The following DSCAML1 variants were observed in gnomAD, a reference collection of about 807,000 sequenced individuals.
The protein encoded by DSCAML1 is DS cell adhesion molecule like 1.
Under a neutral mutation model 200.5 loss-of-function variants are expected in DSCAML1, and 38 were observed. The observed-to-expected ratio is 0.19, with a 90% CI of 0.15 to 0.25. DSCAML1 has a LOEUF of 0.25. DSCAML1 is among the 10% of genes least tolerant of loss of function. The pLI is 1.00. For synonymous variants in DSCAML1, 1,215 were observed against 1,165.0 expected, an observed-to-expected ratio of 1.04 and a Z score of -0.87; for missense variants, 2,223 against 2,858.8, an observed-to-expected ratio of 0.78 and a Z score of 5.07.
chr11:117,623,146 TCTC>T (rs1247896460), intron 3 of DSCAML1, among the ~76,000 whole-genome samples: 1 of 152,064 alleles, frequency 6.6e-6, no homozygotes, highest in Non-Finnish European at 1.5e-5. Flanking sequence ...TCAACTGAAA[TCTC>T]CTGCCATGTT....
intron 3 of DSCAML1, among the ~76,000 whole-genome samples, chr11:117,573,537 A>T (rs1173559814): frequency 6.6e-6 from 1 of 152,094 alleles, no homozygotes; most frequent in Non-Finnish European, 1.5e-5. Flanking sequence ...CAGCCAGGTA[A>T]TCCCCTGGGT....
At chr11:117,592,411 G>C (rs1468633547) in intron 3 of DSCAML1, among the ~76,000 whole-genome samples, 7 of 152,128 alleles carry the variant, frequency 4.6e-5, no homozygotes, top group Non-Finnish European at 1.0e-4. Flanking sequence ...GTGTGTATGT[G>C]TGCATGCATG....
Position 117,521,201 on chromosome 11 carries a change from G to A in DSCAML1, c.1142C>T (p.Ser381Phe). ...GGTAGCGAAGCACTGGTAGGCCCCG[G>A]AATGGCTCTTCTGGGCCGAGGTGAT... ...LLITSAQKSHSGAYQCFATRK... is the reference protein window; with the variant it reads ...LLITSAQKSHFGAYQCFATRK... Residue 381 changes from serine (S) to phenylalanine (F), a missense_variant, in exon 6 of 33, where the codon TCC becomes TTC. By Grantham distance (155) the Ser-to-Phe change is radical. Coordinates refer to ENST00000651296, the MANE Select transcript of DSCAML1 (RefSeq NM_020693.4). 1.2e-6 allele frequency: 2 copies of A among 1,614,190 alleles called. No homozygotes were observed. The highest frequency in any genetic ancestry group is 1.7e-6 in the Non-Finnish European group (2 of 1,180,040).
At chr11:117,478,299 C>T (rs922484782) in intron 14 of DSCAML1, among the ~76,000 whole-genome samples, 1 of 152,178 alleles carries the variant, frequency 6.6e-6, no homozygotes, top group Admixed American at 6.5e-5. Context: ...CCTCCCATCC[C>T]AGATGTGCGC....
rs372562132 is a variant in DSCAML1 at position 117,504,989 on chromosome 11, G to A, written c.2117C>T (p.Ala706Val). Residue 706 changes from alanine to valine, a missense_variant, in exon 10 of 33, where the codon GCT (alanine) becomes GTT (valine). Around this residue, in one of 7 missense-constraint regions of DSCAML1, gnomAD observed 212 missense variants for 368.0 expected, o/e 0.58. Coordinates refer to ENST00000651296, the MANE Select transcript of DSCAML1 (RefSeq NM_020693.4). This position sits in a 1 kb window ranked among gnomAD's most constrained non-coding sequence, Gnocchi z 5.0. ...GTCCACCGAGCAGTTGAGCACACCA[G>A]CTTTGCCGTAGATGCCATCCTGGTT... ...PNNQDGIYGKAGVLNCSVDGY... is the reference protein window; with the variant it reads ...PNNQDGIYGKVGVLNCSVDGY... 5.0e-6 allele frequency: 8 copies of A among 1,612,966 alleles called. No individual in the cohort carries two copies. The African/African-American group carries it at 1.1e-4, about 22-fold the overall frequency.
In DSCAML1 at chr11:117,659,180, C is replaced by A. The variant is rs74498740; in HGVS notation, c.511+117611G>T. Among the ~76,000 whole-genome samples the A allele has an allele frequency of 5.9e-5, 9 of 152,274 alleles. No individual in the cohort carries two copies. In the East Asian group the frequency reaches 9.6e-4, roughly 16 times the overall value. ...TAAGAAGGGGCTAGTTTTTGGAAGACGGTGTTTCTTTTGTGCTTAATTTAT... is the reference window on the plus strand; with the variant it reads ...TAAGAAGGGGCTAGTTTTTGGAAGAAGGTGTTTCTTTTGTGCTTAATTTAT... On this transcript the variant is annotated intron_variant, in intron 3 of 32. Coordinates refer to ENST00000651296, the MANE Select transcript of DSCAML1 (RefSeq NM_020693.4).
intron 3 of DSCAML1, among the ~76,000 whole-genome samples, chr11:117,629,377 G>A (rs2052123486): frequency 6.6e-6 from 1 of 152,098 alleles, no homozygotes; most frequent in Non-Finnish European, 1.5e-5. Flanking sequence ...CCCCAAGCTG[G>A]GAGGCCACGG....
intron 3 of DSCAML1, among the ~76,000 whole-genome samples, chr11:117,661,707 C>T (rs1475646003): frequency 6.6e-6 from 1 of 152,188 alleles, no homozygotes; most frequent in African/African-American, 2.4e-5. Context: ...CCCTTGGTGG[C>T]CTGTCCCCAT....
chr11:117,783,375 A>G (rs1208455565), intron 1 of DSCAML1, among the ~76,000 whole-genome samples: 1 of 152,116 alleles, frequency 6.6e-6, no homozygotes, highest in African/African-American at 2.4e-5. Context: ...GAATTCAGGA[A>G]TTGATTCATG....
intron 3 of DSCAML1, among the ~76,000 whole-genome samples, chr11:117,604,239 T>C (rs1286013881): frequency 1.3e-5 from 2 of 152,200 alleles, no homozygotes; most frequent in East Asian, 3.9e-4. Flanking sequence ...TTGGTGGCAT[T>C]CATCTATTTG....
chr11:117,449,928 G>C (rs2048252962), intron 20 of DSCAML1, among the ~76,000 whole-genome samples: 1 of 152,182 alleles, frequency 6.6e-6, no homozygotes, highest in Non-Finnish European at 1.5e-5. Flanking sequence ...GCCCCTCAGA[G>C]CATCAGTGGA....
intron 3 of DSCAML1, among the ~76,000 whole-genome samples, chr11:117,745,623 G>A (rs2054504579): frequency 6.6e-6 from 1 of 152,214 alleles, no homozygotes; most frequent in Non-Finnish European, 1.5e-5. Flanking sequence ...TGTGAGACAG[G>A]TGTCCTGGCA....
In DSCAML1 at chr11:117,444,538, C is replaced by T. The variant is rs903694228; in HGVS notation, c.3709-499G>A. Among the ~76,000 whole-genome samples, 18 of 152,334 alleles carry T rather than the reference C, an allele frequency of 1.2e-4. No homozygotes were observed. In the East Asian group the frequency reaches 1.4e-3, roughly 11 times the overall value. On this transcript the variant is annotated intron_variant, in intron 20 of 32. Transcript: ENST00000651296. ...CCACTCCTGCATTTTGCAGGCAGCA[C>T]GCCCGCCCGTCCAGGGAGGAGGGGG...
chr11:117,585,815 G>A (rs2051130440), intron 3 of DSCAML1, among the ~76,000 whole-genome samples: 1 of 152,184 alleles, frequency 6.6e-6, no homozygotes, highest in South Asian at 2.1e-4. Flanking sequence ...AGGCGCCGCT[G>A]AAATGTCGTG....
intron 3 of DSCAML1, among the ~76,000 whole-genome samples, chr11:117,563,303 GA>G (rs1298303950): frequency 6.6e-6 from 1 of 152,212 alleles, no homozygotes; most frequent in Admixed American, 6.5e-5. Context: ...CTGAGAACCA[GA>G]TGAAATGGAT....
chr11:117,557,554 G>A (rs1245585652), intron 3 of DSCAML1, among the ~76,000 whole-genome samples: 1 of 152,182 alleles, frequency 6.6e-6, no homozygotes, highest in Non-Finnish European at 1.5e-5. Context: ...CAAGGGAGAG[G>A]CCCCAGGCGT....
chr11:117,793,514 C>A (rs895056243), intron 1 of DSCAML1, among the ~76,000 whole-genome samples: 5 of 152,172 alleles, frequency 3.3e-5, no homozygotes, highest in Admixed American at 3.3e-4. Flanking sequence ...CTCTAAGACA[C>A]AGAGAAGGTC....
chr11:117,439,173 T>A, intron 23 of DSCAML1, 93 bp downstream of exon 23: 1 of 1,532,702 alleles, frequency 6.5e-7, no homozygotes, highest in Non-Finnish European at 8.9e-7. Context: ...TTGGTTTGGC[T>A]TCTTCCATTC....
chr11:117,714,257 T>C (rs1468895736), intron 3 of DSCAML1, among the ~76,000 whole-genome samples: 1 of 152,194 alleles, frequency 6.6e-6, no homozygotes, highest in Admixed American at 6.5e-5. Context: ...GCTTCAGTAT[T>C]TCTTGGGGAA....
Sources: gnomAD v4.1 joint callset for allele counts (sites outside exome capture counted in the v4.1 genomes callset) on GRCh38, gnomAD v4.1.1 for gene constraint, gnomAD v4.1.1 regional missense constraint, Gnocchi (gnomAD v3.1) non-coding constraint, MANE v1.5 for transcripts, NCBI Gene and HGNC (gene_info 2026-07-23, HGNC 2026-07-21) for gene names.